Variants in FSHR observed in about 807,000 individuals in gnomAD.
FSHR encodes the protein follicle-stimulating hormone receptor.
Under a neutral mutation model 52.1 loss-of-function variants are expected in FSHR, and 46 were observed. The ratio of observed to expected loss-of-function variants is 0.88; its 90% CI spans 0.70 to 1.13. The LOEUF is 1.13. FSHR is among the 50% of genes most tolerant of loss of function. FSHR has a pLI of 0.00. For missense variants in FSHR, 964 were observed against 834.6 expected, an observed-to-expected ratio of 1.16 and a Z score of -1.91; for synonymous variants, 399 against 309.6, an observed-to-expected ratio of 1.29 and a Z score of -3.03.
At chr2:49,000,825 T>G (rs1417333551) in intron 4 of FSHR, among the ~76,000 whole-genome samples, 2 of 152,040 alleles carry the variant, frequency 1.3e-5, no homozygotes, top group African/African-American at 4.8e-5. Context: ...GTGTCTGAAT[T>G]TGAGCTGAGT....
chr2:49,087,200 T>G (rs935335226), intron 1 of FSHR, among the ~76,000 whole-genome samples: 2 of 150,948 alleles, frequency 1.3e-5, no homozygotes, highest in African/African-American at 4.9e-5. Flanking sequence ...CCATTGGAGA[T>G]CCTCTTCTTT....
At chr2:49,063,434 A>G (rs199708888) in intron 2 of FSHR, among the ~76,000 whole-genome samples, 1 of 65,162 alleles carries the variant, frequency 1.5e-5, no homozygotes, top group East Asian at 7.1e-4. Context: ...AGAAAATGCT[A>G]TATATATATA....
chr2:49,012,522 G>C (rs1009953442), intron 4 of FSHR, among the ~76,000 whole-genome samples: 5 of 152,022 alleles, frequency 3.3e-5, no homozygotes, highest in Admixed American at 6.6e-5. Context: ...AGCATGAGAT[G>C]GCATCAACAG....
intron 9 of FSHR, among the ~76,000 whole-genome samples, chr2:48,964,364 T>C (rs1440310518): frequency 6.6e-6 from 1 of 152,162 alleles, no homozygotes; most frequent in African/African-American, 2.4e-5. Context: ...TCGTCTACAC[T>C]CAAATCACTG....
chr2:48,968,712 G>T lies in FSHR; in HGVS notation c.840C>A (p.Asn280Lys), dbSNP rs1245932269. 1 of 1,614,142 alleles carries T rather than the reference G, an allele frequency of 6.2e-7. No individual in the cohort carries two copies. Among genetic ancestry groups the T allele is most frequent in the South Asian group, 1.1e-5 (1 of 91,082 alleles). Reference protein sequence around the residue: ...TYPSHCCAFANWRRQISELHP... With the variant: ...TYPSHCCAFAKWRRQISELHP... The stretch of plus-strand genomic sequence containing the variant: ...GATGGACTCACATTTGCCGTCTCCA[G>T]TTTGCAAAGGCACAGCAATGGCTGG... The change falls in exon 9 of 10, where the codon AAC (asparagine) becomes AAA (lysine). Residue 280 changes from asparagine (N) to lysine (K), a missense_variant. Coordinates refer to ENST00000406846, the MANE Select transcript of FSHR (RefSeq NM_000145.4).
intron 2 of FSHR, among the ~76,000 whole-genome samples, chr2:49,038,503 T>C (rs1487333895): frequency 2.6e-5 from 4 of 151,516 alleles, no homozygotes; most frequent in Admixed American, 6.6e-5. Context: ...GGAGCACCTG[T>C]AGTCCCAGCT....
At chr2:49,026,619 A>G (rs146854254) in intron 2 of FSHR, among the ~76,000 whole-genome samples, 3 of 152,362 alleles carry the variant, frequency 2.0e-5, no homozygotes, top group East Asian at 1.9e-4. Context: ...TACTGCCCTT[A>G]TCTTGCAAAC....
At chr2:49,107,615 T>G (rs1400507572) in intron 1 of FSHR, among the ~76,000 whole-genome samples, 1 of 152,138 alleles carries the variant, frequency 6.6e-6, no homozygotes, top group Non-Finnish European at 1.5e-5. Context: ...ATCACAAAAT[T>G]AATATTAATA....
chr2:49,041,488 C>A (rs1443039956), intron 2 of FSHR, among the ~76,000 whole-genome samples: 1 of 152,154 alleles, frequency 6.6e-6, no homozygotes, highest in Non-Finnish European at 1.5e-5. Flanking sequence ...ACCCTGTCTT[C>A]CTTCCAGATA....
chr2:49,090,217 C>T (rs952278197), intron 1 of FSHR, among the ~76,000 whole-genome samples: 3 of 151,804 alleles, frequency 2.0e-5, no homozygotes, highest in Admixed American at 6.6e-5. Flanking sequence ...CCACCACAAT[C>T]GGGATATGGA....
At chr2:48,988,686 T>C (rs536354134) in intron 6 of FSHR, among the ~76,000 whole-genome samples, 151 of 152,388 alleles carry the variant, frequency 9.9e-4, no homozygotes, top group African/African-American at 3.3e-3. Flanking sequence ...ACTAGCTTTA[T>C]TGATGCATGA....
intron 2 of FSHR, among the ~76,000 whole-genome samples, chr2:49,067,534 G>T (rs574637414): frequency 1.3e-5 from 2 of 152,140 alleles, no homozygotes; most frequent in South Asian, 4.2e-4. Flanking sequence ...ATATTTCCCT[G>T]GCCCTGAATG....
rs1278184860 is a variant in FSHR at position 49,001,324 on chromosome 2, T to C, written c.375-10687A>G. ...GTTCAAATTATTGTAGCTTGTCTGA[T>C]AGAAAGTAGAACAGATGGAACCTGA... On this transcript the variant is annotated intron_variant, in intron 4 of 9. Coordinates refer to ENST00000406846, the MANE Select transcript of FSHR (RefSeq NM_000145.4). 4.6e-5 allele frequency among the ~76,000 whole-genome samples: 7 copies of C among 152,252 alleles called. No individual in the cohort carries two copies. The East Asian group carries it at 9.7e-4, about 21-fold the overall frequency.
intron 1 of FSHR, among the ~76,000 whole-genome samples, chr2:49,124,638 C>A (rs1558454579): frequency 1.3e-5 from 2 of 152,016 alleles, no homozygotes; most frequent in Non-Finnish European, 2.9e-5. Flanking sequence ...TGTCAGTAGT[C>A]TTGTTGTCAC....
chr2:49,083,411 C>T (rs1031268962), intron 1 of FSHR, among the ~76,000 whole-genome samples: 12 of 151,522 alleles, frequency 7.9e-5, no homozygotes, highest in Non-Finnish European at 1.3e-4. Flanking sequence ...TAAAGACCAT[C>T]GAGACTAGGA....
At chr2:49,146,699 G>C (rs1471461326) in intron 1 of FSHR, among the ~76,000 whole-genome samples, 4 of 152,062 alleles carry the variant, frequency 2.6e-5, no homozygotes, top group African/African-American at 7.2e-5. Flanking sequence ...GAAGATGCTT[G>C]TAAAATCAAA....
chr2:48,980,272 G>A (rs1675188463), intron 8 of FSHR, among the ~76,000 whole-genome samples: 2 of 152,176 alleles, frequency 1.3e-5, no homozygotes, highest in African/African-American at 4.8e-5. Context: ...TTAAGTCATG[G>A]GGAGTGCTTC....
At chr2:48,991,252 A>AT in intron 4 of FSHR, among the ~76,000 whole-genome samples, 1 of 152,198 alleles carries the variant, frequency 6.6e-6, no homozygotes. Context: ...CCCGGGAAGC[A>AT]GAGCCTGAGA....
At chr2:49,044,389 C>A (rs1360316504) in intron 2 of FSHR, among the ~76,000 whole-genome samples, 1 of 152,174 alleles carries the variant, frequency 6.6e-6, no homozygotes, top group Non-Finnish European at 1.5e-5. Context: ...GAGGCATAAC[C>A]TTGTTCAAGC....
Sources: allele counts gnomAD v4.1 joint callset (sites outside exome capture counted in the v4.1 genomes callset), GRCh38; gene constraint gnomAD v4.1.1; transcripts MANE v1.5; gene names NCBI Gene and HGNC (gene_info 2026-07-23, HGNC 2026-07-21).